The following RARB variants were observed in gnomAD, a reference collection of about 807,000 sequenced individuals.
RARB encodes retinoic acid receptor beta.
In RARB, 17 loss-of-function variants were observed where a neutral mutation model predicts 51.9. The observed-to-expected ratio is 0.33, with a 90% CI of 0.22 to 0.49. RARB has a LOEUF of 0.49. Among genes scored for constraint, RARB ranks in the 20% least tolerant of loss-of-function variants. The pLI is 0.99. For missense variants in RARB, 369 were observed against 550.8 expected, an observed-to-expected ratio of 0.67 and a Z score of 3.30; for synonymous variants, 215 against 195.4, an observed-to-expected ratio of 1.10 and a Z score of -0.84.
intron 2 of RARB, among the ~76,000 whole-genome samples, chr3:24,931,672 C>A (rs1165233332): frequency 6.6e-6 from 1 of 152,086 alleles, no homozygotes; most frequent in Non-Finnish European, 1.5e-5. Context: ...GTAGACCTCA[C>A]AACGTGTCTT....
chr3:24,952,656 A>T (rs968095524), intron 2 of RARB, among the ~76,000 whole-genome samples: 6 of 152,120 alleles, frequency 3.9e-5, no homozygotes, highest in Non-Finnish European at 5.9e-5. Flanking sequence ...CATTAAACCA[A>T]TTAATTGCCA....
intron 3 of RARB, among the ~76,000 whole-genome samples, chr3:25,092,491 T>C (rs1168815840): frequency 6.6e-6 from 1 of 152,160 alleles, no homozygotes; most frequent in African/African-American, 2.4e-5. Flanking sequence ...TTATTTTTAC[T>C]ATTGTTCCTA....
At chr3:24,870,372 T>C (rs1702924100) in intron 2 of RARB, among the ~76,000 whole-genome samples, 1 of 152,148 alleles carries the variant, frequency 6.6e-6, no homozygotes, top group Non-Finnish European at 1.5e-5. Context: ...GGAAAACTAA[T>C]TGTTCCAACA....
chr3:24,864,710 T>G (rs1575042393), intron 2 of RARB, among the ~76,000 whole-genome samples: 1 of 91,456 alleles, frequency 1.1e-5, no homozygotes, highest in East Asian at 6.2e-4. Flanking sequence ...CCACAGCTAT[T>G]ATTTTTTAAG....
chr3:25,586,337 A>G (rs1232535536), intron 5 of RARB, among the ~76,000 whole-genome samples: 1 of 152,076 alleles, frequency 6.6e-6, no homozygotes, highest in African/African-American at 2.4e-5. Context: ...TGCATTTCCC[A>G]AAAGCTTCTC....
In RARB at chr3:24,986,825, G is replaced by A. The variant is rs147803239; in HGVS notation, c.-379-73300G>A. 9.8e-3 allele frequency among the ~76,000 whole-genome samples: 1,492 copies of A among 152,150 alleles called. 32 individuals carry two copies. The highest frequency in any genetic ancestry group is 0.033 in the African/African-American group (1,387 of 41,478). On this transcript the variant is annotated intron_variant, in intron 2 of 11. Transcript: ENST00000383772. ...CCTGTTAACTCCTGATTGCTGTGCG[G>A]TGAACTCCTACCCCTTTGCCGAAAC...
chr3:25,146,514 T>TG (rs903013477), intron 4 of RARB, among the ~76,000 whole-genome samples: 62 of 107,078 alleles, frequency 5.8e-4, no homozygotes, highest in African/African-American at 1.9e-3. Context: ...TTTGTTTGTT[T>TG]TTTTTTTTTT....
At chr3:25,253,918 A>G (rs1264743986) in intron 5 of RARB, among the ~76,000 whole-genome samples, 1 of 152,200 alleles carries the variant, frequency 6.6e-6, no homozygotes, top group Non-Finnish European at 1.5e-5. Flanking sequence ...GTTAGTTAGA[A>G]GGGCTAGGAT....
chr3:25,200,656 A>C (rs981645111), intron 5 of RARB, among the ~76,000 whole-genome samples: 1 of 152,150 alleles, frequency 6.6e-6, no homozygotes, highest in Non-Finnish European at 1.5e-5. Flanking sequence ...AGCTTTCTAC[A>C]TATGGCTAGC....
chr3:25,501,396 T>A, intron 3 of RARB, 73 bp downstream of exon 3: 1 of 1,556,254 alleles, frequency 6.4e-7, no homozygotes, highest in Non-Finnish European at 8.7e-7. Flanking sequence ...CACAGTCATG[T>A]GGAATTCACA....
intron 5 of RARB, among the ~76,000 whole-genome samples, chr3:25,209,766 A>C (rs1186425747): frequency 6.6e-6 from 1 of 152,148 alleles, no homozygotes; most frequent in Admixed American, 6.5e-5. Flanking sequence ...CTTGCAATGC[A>C]GTCCTATTCA....
chr3:25,436,010 C>T (rs146362520), intron 1 of RARB, among the ~76,000 whole-genome samples: 6 of 152,268 alleles, frequency 3.9e-5, no homozygotes, highest in East Asian at 1.9e-4. Context: ...AGTAAATTAC[C>T]GGTTCCATTA....
At chr3:24,866,086 A>C (rs1308527680) in intron 2 of RARB, among the ~76,000 whole-genome samples, 1 of 152,082 alleles carries the variant, frequency 6.6e-6, no homozygotes, top group Non-Finnish European at 1.5e-5. Flanking sequence ...TTAGCTGCGG[A>C]CACCAATCTG....
intron 5 of RARB, among the ~76,000 whole-genome samples, chr3:25,397,430 G>A (rs1449285077): frequency 6.6e-6 from 1 of 152,156 alleles, no homozygotes; most frequent in African/African-American, 2.4e-5. Context: ...CCTTCAAAGG[G>A]TCTGTGAATT....
chr3:25,204,883 TGAG>T (rs201619207), intron 5 of RARB, among the ~76,000 whole-genome samples: 5,150 of 152,292 alleles, frequency 0.034, 112 homozygotes, highest in Middle Eastern at 0.095. Context: ...GGGACCCACT[TGAG>T]GAGGCAGCCT....
intron 3 of RARB, among the ~76,000 whole-genome samples, chr3:25,563,412 C>T (rs1700354471): frequency 1.3e-5 from 2 of 152,176 alleles, no homozygotes; most frequent in African/African-American, 2.4e-5. Context: ...CCTTTTTTCT[C>T]TGTATATTTG....
chr3:24,938,850 A>G (rs1695598261), intron 2 of RARB, among the ~76,000 whole-genome samples: 1 of 152,218 alleles, frequency 6.6e-6, no homozygotes, highest in East Asian at 1.9e-4. Flanking sequence ...TATTTCACTT[A>G]GCATAATGTT....
At chr3:25,576,788 G>A (rs1700955259) in intron 4 of RARB, among the ~76,000 whole-genome samples, 1 of 152,198 alleles carries the variant, frequency 6.6e-6, no homozygotes, top group East Asian at 1.9e-4. Flanking sequence ...CAGAGCTACA[G>A]GGTGGCTGCC....
chr3:24,892,279 T>C (rs1703398820), intron 2 of RARB, among the ~76,000 whole-genome samples: 1 of 151,612 alleles, frequency 6.6e-6, no homozygotes, highest in Non-Finnish European at 1.5e-5. Context: ...TGGTACACTT[T>C]TAGGGAGAGA....
Sources: allele counts gnomAD v4.1 joint callset (sites outside exome capture counted in the v4.1 genomes callset), GRCh38; gene constraint gnomAD v4.1.1; transcripts MANE v1.5; gene names NCBI Gene and HGNC (gene_info 2026-07-23, HGNC 2026-07-21).